NAV2: variants seen among roughly 807,000 people sequenced by gnomAD.
NAV2 encodes the protein helicase, APC down-regulated 1.
In NAV2, 54 loss-of-function variants were observed where a neutral mutation model predicts 223.2. That is an observed-to-expected ratio of 0.24 (90% confidence interval 0.19 to 0.30). NAV2 has a LOEUF of 0.30. Among genes scored for constraint, NAV2 ranks in the 10% least tolerant of loss-of-function variants. The probability of loss-of-function intolerance (pLI) is 1.00; values close to 1 mark genes in which losing one functional copy is unlikely to be tolerated. For synonymous variants in NAV2, 1,279 were observed against 1,239.3 expected, an observed-to-expected ratio of 1.03 and a Z score of -0.67; for missense variants, 2,806 against 3,147.5, an observed-to-expected ratio of 0.89 and a Z score of 2.60.
intron 1 of NAV2, among the ~76,000 whole-genome samples, chr11:19,566,419 A>G (rs911075263): frequency 3.9e-5 from 6 of 152,202 alleles, no homozygotes; most frequent in African/African-American, 1.4e-4. Context: ...AGACAAGCAA[A>G]TGATCTCCAG....
chr11:19,896,672 C>T (rs931328038), intron 6 of NAV2, among the ~76,000 whole-genome samples: 3 of 152,122 alleles, frequency 2.0e-5, no homozygotes, highest in South Asian at 2.1e-4. Context: ...GAATTTCACT[C>T]GGAGGAATTG....
chr11:19,478,296 G>A (rs1296482245), intron 1 of NAV2, among the ~76,000 whole-genome samples: 3 of 152,084 alleles, frequency 2.0e-5, no homozygotes, highest in African/African-American at 7.2e-5. Context: ...AAAGTGAAGG[G>A]GAGTCCCAGT....
intron 1 of NAV2, among the ~76,000 whole-genome samples, chr11:19,648,142 T>A (rs1052700442): frequency 2.0e-5 from 3 of 152,220 alleles, no homozygotes; most frequent in South Asian, 4.1e-4. Context: ...TATTAAAAAT[T>A]AAATTTTATA....
chr11:19,799,839 C>T (rs1590615451), intron 1 of NAV2, among the ~76,000 whole-genome samples: 3 of 152,232 alleles, frequency 2.0e-5, no homozygotes, highest in Non-Finnish European at 4.4e-5. Flanking sequence ...CTATATTCCA[C>T]ATATATTGGT....
intron 1 of NAV2, among the ~76,000 whole-genome samples, chr11:19,383,979 G>A (rs1848941098): frequency 6.6e-6 from 1 of 152,104 alleles, no homozygotes; most frequent in African/African-American, 2.4e-5. Flanking sequence ...TTGGAAACAA[G>A]GTAAATTTTC....
chr11:20,065,671 G>T (rs533017760), intron 20 of NAV2, among the ~76,000 whole-genome samples: 12 of 152,298 alleles, frequency 7.9e-5, no homozygotes, highest in Middle Eastern at 6.8e-3. Flanking sequence ...GATAATTGGG[G>T]CCCAACCCCA....
chr11:19,360,598 T>A (rs1853878685), intron 1 of NAV2, among the ~76,000 whole-genome samples: 1 of 152,154 alleles, frequency 6.6e-6, no homozygotes, highest in Admixed American at 6.5e-5. Flanking sequence ...GGCCAGTCAA[T>A]TATCACTAGG....
intron 12 of NAV2, 68 bp downstream of exon 12, chr11:20,036,165 G>A (rs930164666): frequency 3.8e-6 from 6 of 1,591,154 alleles, no homozygotes; most frequent in Non-Finnish European, 5.2e-6. Flanking sequence ...GGGCTTGTGG[G>A]GTAAGAGGGC....
chr11:19,358,360 G>T (rs1853741719), intron 1 of NAV2, among the ~76,000 whole-genome samples: 1 of 152,192 alleles, frequency 6.6e-6, no homozygotes, highest in Non-Finnish European at 1.5e-5. Flanking sequence ...AAGAAGCCAA[G>T]TCAGGGTGAT....
intron 34 of NAV2, among the ~76,000 whole-genome samples, 175 bp downstream of exon 34, chr11:20,103,899 A>T (rs184256691): frequency 6.6e-6 from 1 of 152,216 alleles, no homozygotes; most frequent in Non-Finnish European, 1.5e-5. Context: ...TACATTCACC[A>T]CTCTCAGTTT....
intron 1 of NAV2, among the ~76,000 whole-genome samples, chr11:19,797,344 G>T (rs2057975953): frequency 6.6e-6 from 1 of 152,074 alleles, no homozygotes; most frequent in Non-Finnish European, 1.5e-5. Flanking sequence ...GTTGGCATTT[G>T]CCATCCATTT....
intron 1 of NAV2, among the ~76,000 whole-genome samples, chr11:19,737,111 G>C (rs1344381749): frequency 6.6e-6 from 1 of 152,210 alleles, no homozygotes; most frequent in Non-Finnish European, 1.5e-5. Flanking sequence ...TGGGACATCT[G>C]GTTGACACCA....
At position 20,055,833 on chromosome 11, in the gene NAV2, C is replaced by T; in HGVS notation, c.4707C>T (p.Leu1569=). The T allele has an allele frequency of 6.2e-7, 1 of 1,614,174 alleles. No individual in the cohort carries two copies. The highest frequency in any genetic ancestry group is 8.5e-7 in the Non-Finnish European group (1 of 1,180,004). Residue 1569 remains leucine, a synonymous_variant, in exon 19 of 38, where the codon CTC becomes CTT. Coordinates refer to ENST00000349880, the MANE Select transcript of NAV2 (RefSeq NM_145117.5). ...CGACCATGCTGAGGACTCACAGCCT[C>T]TCCAATGCTGATGGGCAGTATGATC... ...SNPTMLRTHS[L]SNADGQYDPY... is the part of the protein sequence containing the mutation.
chr11:19,782,375 C>A (rs1055699047), intron 1 of NAV2, among the ~76,000 whole-genome samples: 1 of 152,194 alleles, frequency 6.6e-6, no homozygotes, highest in African/African-American at 2.4e-5. Context: ...TAGTAAGTGA[C>A]TTCCTCTTAA....
intron 6 of NAV2, among the ~76,000 whole-genome samples, chr11:19,932,176 C>T (rs1296329141): frequency 8.2e-6 from 1 of 122,154 alleles, no homozygotes; most frequent in East Asian, 2.7e-4. Flanking sequence ...CCTTGACTTT[C>T]AGATAACCTG....
In NAV2 at chr11:19,714,000, G is replaced by A; in HGVS notation, c.267+38G>A. 1 of 1,607,548 alleles carries A rather than the reference G, an allele frequency of 6.2e-7. No individual in the cohort carries two copies. The highest frequency in any genetic ancestry group is 8.5e-7 in the Non-Finnish European group (1 of 1,176,826). On this transcript the variant is annotated intron_variant, in intron 1 of 37. Coordinates refer to ENST00000349880, the MANE Select transcript of NAV2 (RefSeq NM_145117.5). This position sits in a 1 kb window ranked among gnomAD's most constrained non-coding sequence, Gnocchi z 7.2. ...GTTTGCCGGGGTACTGTTCTGGAAG[G>A]ATGGATGAATAGTTCTTTCGGGATG...
At chr11:19,642,499 G>C (rs192982265) in intron 1 of NAV2, among the ~76,000 whole-genome samples, 11 of 152,158 alleles carry the variant, frequency 7.2e-5, no homozygotes, top group Non-Finnish European at 1.6e-4. Flanking sequence ...AAGGATTCTT[G>C]TCAGACCTGC....
chr11:20,067,917 C>G (rs940787540), intron 20 of NAV2, among the ~76,000 whole-genome samples: 1 of 152,138 alleles, frequency 6.6e-6, no homozygotes, highest in Non-Finnish European at 1.5e-5. Flanking sequence ...ATCACCATCC[C>G]CGCCTGGGGA....
chr11:20,023,603 A>G (rs1250449156), intron 11 of NAV2, among the ~76,000 whole-genome samples: 1 of 151,998 alleles, frequency 6.6e-6, no homozygotes, highest in Non-Finnish European at 1.5e-5. Context: ...CTTGTGGTTC[A>G]GAGGGCCCTG....
Sources: gnomAD v4.1 joint callset for allele counts (sites outside exome capture counted in the v4.1 genomes callset) on GRCh38, gnomAD v4.1.1 for gene constraint, Gnocchi (gnomAD v3.1) non-coding constraint, MANE v1.5 for transcripts, NCBI Gene and HGNC (gene_info 2026-07-23, HGNC 2026-07-21) for gene names.